EXOC4: variants seen among roughly 807,000 people sequenced by gnomAD.
The protein encoded by EXOC4 is exocyst complex component 4.
Under a neutral mutation model 107.2 loss-of-function variants are expected in EXOC4, and 71 were observed. That is an observed-to-expected ratio of 0.66 (90% CI 0.55 to 0.81). The LOEUF is 0.81. Among genes scored for constraint, EXOC4 ranks in the 30% least tolerant of loss-of-function variants. The pLI is 0.00. For synonymous variants in EXOC4, 456 were observed against 441.2 expected (o/e 1.03, Z -0.42); for missense variants, 1,108 against 1,189.6 (o/e 0.93, Z 1.01).
the EXOC4 span, among the ~76,000 whole-genome samples, chr7:134,083,727 T>C: frequency 6.6e-6 from 1 of 152,218 alleles, no homozygotes; most frequent in South Asian, 2.1e-4. Flanking sequence ...CCTTTTAAAT[T>C]GTAGTCCTAA....
chr7:133,516,034 G>C, intron 9 of EXOC4, among the ~76,000 whole-genome samples: 1 of 152,234 alleles, frequency 6.6e-6, no homozygotes, highest in Middle Eastern at 3.4e-3. Context: ...ATTGCTCAAT[G>C]GCAGTGCTTT....
intron 9 of EXOC4, among the ~76,000 whole-genome samples, chr7:133,517,339 G>A (rs1020322172): frequency 6.6e-6 from 1 of 152,024 alleles, no homozygotes; most frequent in Non-Finnish European, 1.5e-5. Flanking sequence ...TGTTGAGATG[G>A]GAAAATGAAG....
Position 133,382,088 on chromosome 7 carries a change from G to T in EXOC4, c.1182+7086G>T, listed in dbSNP as rs1013042097. Among the ~76,000 whole-genome samples the T allele has an allele frequency of 3.3e-4, 50 of 152,084 alleles. 1 individual carries two copies. The highest frequency in any genetic ancestry group is 4.6e-4 in the Non-Finnish European group (31 of 67,984). On this transcript the variant is annotated intron_variant, in intron 7 of 17. Coordinates refer to ENST00000253861, the MANE Select transcript of EXOC4 (RefSeq NM_021807.4). ...GATGAGATGAAGGAAGATTAATGTG[G>T]TAGCAATGAAAAGGACTGAGTAGAG... is the stretch of plus-strand genomic sequence containing the variant.
intron 10 of EXOC4, among the ~76,000 whole-genome samples, chr7:133,652,391 T>C (rs1803181325): frequency 6.6e-6 from 1 of 152,154 alleles, no homozygotes; most frequent in Admixed American, 6.6e-5. Flanking sequence ...TAATTGTCTT[T>C]AGCATAATGT....
intron 10 of EXOC4, among the ~76,000 whole-genome samples, chr7:133,688,573 A>G (rs539308408): frequency 2.0e-5 from 3 of 152,300 alleles, no homozygotes; most frequent in African/African-American, 7.2e-5. Context: ...GTGGAGCTAG[A>G]AGAACGTGGC....
chr7:133,898,131 C>T (rs1331858042), intron 12 of EXOC4, among the ~76,000 whole-genome samples: 1 of 151,764 alleles, frequency 6.6e-6, no homozygotes, highest in Non-Finnish European at 1.5e-5. Flanking sequence ...CTGTGCCTGG[C>T]CATTGGATAC....
At chr7:133,773,136 G>T (rs1421046772) in intron 10 of EXOC4, among the ~76,000 whole-genome samples, 1 of 151,912 alleles carries the variant, frequency 6.6e-6, no homozygotes, top group African/African-American at 2.4e-5. Flanking sequence ...ACATAAGAAG[G>T]CTCTCAGTGC....
At chr7:133,849,230 G>A (rs1363780195) in intron 11 of EXOC4, among the ~76,000 whole-genome samples, 1 of 152,130 alleles carries the variant, frequency 6.6e-6, no homozygotes, top group East Asian at 1.9e-4. Flanking sequence ...AGACCAGCCT[G>A]GGCAGCATAG....
At chr7:133,885,886 A>C (rs1799075380) in intron 11 of EXOC4, among the ~76,000 whole-genome samples, 2 of 147,862 alleles carry the variant, frequency 1.4e-5, no homozygotes, top group South Asian at 4.2e-4. Flanking sequence ...ATAGAGAAAA[A>C]AACTTTTAAA....
chr7:133,597,755 A>T (rs1277861468), intron 9 of EXOC4, among the ~76,000 whole-genome samples: 1 of 152,082 alleles, frequency 6.6e-6, no homozygotes, highest in African/African-American at 2.4e-5. Flanking sequence ...TCACACCTGT[A>T]ATCCCAGCAC....
chr7:133,768,985 GA>G (rs1239092383), intron 10 of EXOC4, among the ~76,000 whole-genome samples: 1 of 152,006 alleles, frequency 6.6e-6, no homozygotes, highest in Non-Finnish European at 1.5e-5. Flanking sequence ...AAGACAGAGG[GA>G]AGGATGTCCT....
At chr7:133,492,532 G>T (rs1178931340) in intron 9 of EXOC4, among the ~76,000 whole-genome samples, 1 of 152,012 alleles carries the variant, frequency 6.6e-6, no homozygotes, top group Non-Finnish European at 1.5e-5. Flanking sequence ...CAAGTGTAAG[G>T]CTTTCAGCAG....
chr7:133,442,143 A>G (rs189660553), intron 7 of EXOC4, among the ~76,000 whole-genome samples: 3 of 152,266 alleles, frequency 2.0e-5, no homozygotes, highest in Admixed American at 6.5e-5. Context: ...GTTTTCATGT[A>G]TGTTTTTTAA....
chr7:134,011,229 C>T (rs553684750), intron 17 of EXOC4, among the ~76,000 whole-genome samples: 1 of 152,140 alleles, frequency 6.6e-6, no homozygotes, highest in South Asian at 2.1e-4. Context: ...CAGAAGCCAC[C>T]TAGGAGTCCA....
chr7:133,682,362 A>G (rs1051306216), intron 10 of EXOC4, among the ~76,000 whole-genome samples: 6 of 152,194 alleles, frequency 3.9e-5, no homozygotes, highest in Admixed American at 6.5e-5. Context: ...GTTATGTGCT[A>G]TTCTCGTGAT....
chr7:133,591,954 C>G (rs1801559481), intron 9 of EXOC4, among the ~76,000 whole-genome samples: 1 of 152,090 alleles, frequency 6.6e-6, no homozygotes, highest in Non-Finnish European at 1.5e-5. Context: ...GAATTTTTTT[C>G]CACTCAGTAC....
At chr7:133,408,763 C>G (rs555730625) in intron 7 of EXOC4, among the ~76,000 whole-genome samples, 1 of 152,116 alleles carries the variant, frequency 6.6e-6, no homozygotes, top group East Asian at 1.9e-4. Flanking sequence ...AGGAATGTTG[C>G]GTTGCTTCTC....
At chr7:133,416,856 C>T (rs747558592) in intron 7 of EXOC4, among the ~76,000 whole-genome samples, 3 of 152,102 alleles carry the variant, frequency 2.0e-5, no homozygotes, top group Admixed American at 6.6e-5. Flanking sequence ...AAGGAATGCA[C>T]GGTGAGTGCC....
intron 9 of EXOC4, among the ~76,000 whole-genome samples, chr7:133,609,752 T>C (rs913325056): frequency 5.9e-5 from 9 of 152,252 alleles, no homozygotes; most frequent in Non-Finnish European, 1.0e-4. Flanking sequence ...GCTGACTCGC[T>C]GGAGCCAATG....
Sources: gnomAD v4.1 joint callset for allele counts (sites outside exome capture counted in the v4.1 genomes callset) on GRCh38, gnomAD v4.1.1 for gene constraint, MANE v1.5 for transcripts, NCBI Gene and HGNC (gene_info 2026-07-23, HGNC 2026-07-21) for gene names.